The following NTRK3 variants were observed in gnomAD, a reference collection of about 807,000 sequenced individuals.
NTRK3 encodes NT-3 growth factor receptor.
In NTRK3, 24 loss-of-function variants were observed where a neutral mutation model predicts 91.7. That is an observed-to-expected ratio of 0.26 (90% CI 0.19 to 0.37). The LOEUF is 0.37. Ranked by LOEUF, NTRK3 falls within the 10% of genes least tolerant of loss-of-function variation. NTRK3 has a pLI of 1.00. For synonymous variants in NTRK3, 483 were observed against 404.0 expected, an observed-to-expected ratio of 1.20 and a Z score of -2.34; for missense variants, 880 against 1,068.9, an observed-to-expected ratio of 0.82 and a Z score of 2.46.
intron 14 of NTRK3, among the ~76,000 whole-genome samples, chr15:87,987,852 G>T (rs1431942676): frequency 6.6e-6 from 1 of 151,578 alleles, no homozygotes; most frequent in African/African-American, 2.4e-5. Context: ...ACTCCAGCCT[G>T]GGTGACACAG....
At chr15:87,996,605 C>T (rs962889392) in intron 14 of NTRK3, among the ~76,000 whole-genome samples, 2 of 152,174 alleles carry the variant, frequency 1.3e-5, no homozygotes, top group African/African-American at 4.8e-5. Flanking sequence ...TCAGCACAAA[C>T]TCAGGACAGC....
chr15:87,943,637 C>T (rs1463342986), intron 14 of NTRK3, among the ~76,000 whole-genome samples: 3 of 152,110 alleles, frequency 2.0e-5, no homozygotes, highest in South Asian at 2.1e-4. Context: ...CTCTGTTTTT[C>T]AGCTGCTGTG....
chr15:88,221,240 C>T (rs1005638154), intron 3 of NTRK3, among the ~76,000 whole-genome samples: 1 of 152,188 alleles, frequency 6.6e-6, no homozygotes, highest in Non-Finnish European at 1.5e-5. Flanking sequence ...TAACCATCTT[C>T]AGCCTGAAAG....
intron 14 of NTRK3, among the ~76,000 whole-genome samples, chr15:88,009,027 C>T (rs1168357828): frequency 6.6e-6 from 1 of 152,130 alleles, no homozygotes; most frequent in Non-Finnish European, 1.5e-5. Flanking sequence ...CTTTCTGCCT[C>T]CAGGGGACCT....
chr15:87,909,274 G>C (rs1333780408), intron 17 of NTRK3, among the ~76,000 whole-genome samples: 1 of 152,154 alleles, frequency 6.6e-6, no homozygotes, highest in African/African-American at 2.4e-5. Context: ...CTCCTGAGAA[G>C]TGAGAGGAGG....
chr15:88,194,775 A>C lies in NTRK3; in HGVS notation c.249-10476T>G, dbSNP rs1039533691. ...GGGGGAAAATTCTGACTCCACCATG[A>C]CCAGCAGGATCCTTCCTCATGTAAC... On this transcript the variant is annotated intron_variant, in intron 3 of 18. Transcript: ENST00000394480. 3.9e-5 allele frequency among the ~76,000 whole-genome samples: 6 copies of C among 152,170 alleles called. No homozygotes were observed. The South Asian group carries it at 1.2e-3, about 32-fold the overall frequency.
At chr15:88,008,986 T>C (rs990863510) in intron 14 of NTRK3, among the ~76,000 whole-genome samples, 1 of 152,170 alleles carries the variant, frequency 6.6e-6, no homozygotes, top group Non-Finnish European at 1.5e-5. Context: ...TACTCTCAGG[T>C]TAAAGAAGAA....
chr15:88,018,475 A>G (rs1257211553), intron 14 of NTRK3, among the ~76,000 whole-genome samples: 1 of 152,204 alleles, frequency 6.6e-6, no homozygotes, highest in Non-Finnish European at 1.5e-5. Context: ...ACCTTTGACC[A>G]GTAAATGACC....
chr15:88,060,577 C>A (rs2142464557), intron 13 of NTRK3, among the ~76,000 whole-genome samples: 1 of 152,038 alleles, frequency 6.6e-6, no homozygotes, highest in East Asian at 1.9e-4. Flanking sequence ...GAGAGGCAGC[C>A]CCAAGCCAGG....
chr15:88,144,045 T>C (rs1473773025), intron 6 of NTRK3: 2 of 152,190 alleles, frequency 1.3e-5, no homozygotes, highest in Non-Finnish European at 2.9e-5. Flanking sequence ...CTAAATTGTA[T>C]CTTGAGATTC....
At chr15:88,170,676 G>C (rs940086748) in intron 5 of NTRK3, among the ~76,000 whole-genome samples, 2 of 152,322 alleles carry the variant, frequency 1.3e-5, no homozygotes, top group Non-Finnish European at 2.9e-5. Flanking sequence ...CAGGGCAGCA[G>C]AAGAACCAGA....
intron 3 of NTRK3, among the ~76,000 whole-genome samples, chr15:88,192,276 G>A (rs1274768546): frequency 2.0e-5 from 3 of 152,288 alleles, no homozygotes; most frequent in Admixed American, 1.3e-4. Flanking sequence ...TCCCAGGAGC[G>A]AGATTTCACC....
intron 14 of NTRK3, among the ~76,000 whole-genome samples, chr15:87,998,263 A>G (rs2141588988): frequency 6.6e-6 from 1 of 152,358 alleles, no homozygotes; most frequent in East Asian, 1.9e-4. Flanking sequence ...ATGATTCAGG[A>G]ACTGGGAGAA....
intron 13 of NTRK3, among the ~76,000 whole-genome samples, chr15:88,036,584 A>C (rs1416239379): frequency 6.6e-6 from 1 of 152,196 alleles, no homozygotes; most frequent in Non-Finnish European, 1.5e-5. Context: ...ATTTAGTATC[A>C]TAGAGAGGCA....
chr15:88,222,310 T>A (rs1006086612), intron 3 of NTRK3, among the ~76,000 whole-genome samples: 15 of 152,198 alleles, frequency 9.9e-5, no homozygotes, highest in African/African-American at 3.4e-4. Flanking sequence ...CAGCAGGTAC[T>A]GTTATTATTC....
At chr15:88,117,958 C>T (rs146672193) in intron 13 of NTRK3, among the ~76,000 whole-genome samples, 4 of 152,308 alleles carry the variant, frequency 2.6e-5, no homozygotes, top group African/African-American at 9.6e-5. Flanking sequence ...TGCTATTCCT[C>T]CACCTGCAGT....
At chr15:87,965,973 G>A (rs1015398521) in intron 14 of NTRK3, among the ~76,000 whole-genome samples, 2 of 152,038 alleles carry the variant, frequency 1.3e-5, no homozygotes, top group African/African-American at 4.8e-5. Context: ...AGCTACTCGG[G>A]AGGCTGAGGC....
rs569658353 is a variant in NTRK3 at position 87,874,706 on chromosome 15, T to C, written c.*2229A>G. On this transcript the variant is annotated 3_prime_UTR_variant, in exon 19 of 19. Coordinates refer to ENST00000394480, the Ensembl canonical transcript of NTRK3. ...TTTTCCCTCAGGCGCCTCCAGACCATGCCCTCCCTGAACACCTGTTCTTAG... is the reference window on the plus strand; with the variant it reads ...TTTTCCCTCAGGCGCCTCCAGACCACGCCCTCCCTGAACACCTGTTCTTAG... 2.7e-4 allele frequency: 63 copies of C among 232,228 alleles called. No individual in the cohort carries two copies. In the Middle Eastern group the frequency reaches 5.2e-3, roughly 19 times the overall value. The allele number at this position is 232,228 out of a possible 1,614,324, so 14.4% of individuals were successfully genotyped here.
At chr15:88,064,323 G>A (rs1479734674) in intron 13 of NTRK3, among the ~76,000 whole-genome samples, 2 of 152,188 alleles carry the variant, frequency 1.3e-5, no homozygotes, top group East Asian at 3.8e-4. Flanking sequence ...TGTTATGGCT[G>A]CCTTAAAAAT....
Sources: gnomAD v4.1 joint callset for allele counts (sites outside exome capture counted in the v4.1 genomes callset) on GRCh38, gnomAD v4.1.1 for gene constraint, MANE v1.5 for transcripts, NCBI Gene and HGNC (gene_info 2026-07-23, HGNC 2026-07-21) for gene names.